The following GRIK2 variants were observed in gnomAD, a reference collection of about 807,000 sequenced individuals.
GRIK2 encodes glutamate receptor ionotropic, kainate 2.
GRIK2 carries 32 observed loss-of-function variants against 100.3 expected under a neutral mutation model. The observed-to-expected ratio is 0.32, with a 90% CI of 0.24 to 0.43. GRIK2 has a LOEUF of 0.43. Among genes scored for constraint, GRIK2 ranks in the 20% least tolerant of loss-of-function variants. GRIK2 has a pLI of 1.00. For missense variants in GRIK2, 843 were observed against 1,114.9 expected, an observed-to-expected ratio of 0.76 and a Z score of 3.47; for synonymous variants, 417 against 389.4, an observed-to-expected ratio of 1.07 and a Z score of -0.83.
chr6:101,510,989 G>A (rs909009190), intron 2 of GRIK2, among the ~76,000 whole-genome samples: 1 of 152,156 alleles, frequency 6.6e-6, no homozygotes, highest in African/African-American at 2.4e-5. Flanking sequence ...AAAGCATGGG[G>A]AGACTTTATC....
intron 14 of GRIK2, among the ~76,000 whole-genome samples, chr6:102,021,035 G>T (rs1417613620): frequency 6.6e-6 from 1 of 151,730 alleles, no homozygotes; most frequent in South Asian, 2.1e-4. Flanking sequence ...CCTAGACATG[G>T]TCACAACACT....
intron 7 of GRIK2, among the ~76,000 whole-genome samples, chr6:101,749,550 G>A (rs1045892112): frequency 6.6e-6 from 1 of 152,200 alleles, no homozygotes; most frequent in South Asian, 2.1e-4. Context: ...CCTGACATGT[G>A]CGTTTCCTTC....
intron 2 of GRIK2, among the ~76,000 whole-genome samples, chr6:101,428,179 C>T (rs924295463): frequency 1.3e-5 from 2 of 152,142 alleles, no homozygotes; most frequent in Non-Finnish European, 2.9e-5. Context: ...GAATATGAAA[C>T]ACGTTAAAAA....
chr6:101,793,213 A>G (rs1308114243), intron 7 of GRIK2, among the ~76,000 whole-genome samples: 4 of 152,130 alleles, frequency 2.6e-5, no homozygotes, highest in Non-Finnish European at 5.9e-5. Context: ...CAACTTGTCA[A>G]CGTCATTCTC....
intron 14 of GRIK2, among the ~76,000 whole-genome samples, chr6:101,976,448 G>GC (rs1793386144): frequency 6.6e-6 from 1 of 151,968 alleles, no homozygotes; most frequent in Non-Finnish European, 1.5e-5. Context: ...TGTAAACCCA[G>GC]CACTTTGTGG....
intron 2 of GRIK2, among the ~76,000 whole-genome samples, chr6:101,506,480 G>A (rs746281605): frequency 2.6e-5 from 4 of 152,056 alleles, no homozygotes; most frequent in Non-Finnish European, 5.9e-5. Context: ...CTAAATATAT[G>A]ATTTCAGGAC....
intron 4 of GRIK2, among the ~76,000 whole-genome samples, chr6:101,651,806 A>G (rs1482398358): frequency 1.3e-5 from 2 of 152,182 alleles, no homozygotes; most frequent in African/African-American, 2.4e-5. Flanking sequence ...AGGTGTCTGA[A>G]GATCCAGTAG....
chr6:101,528,753 A>C (rs1367130808), intron 2 of GRIK2, among the ~76,000 whole-genome samples: 1 of 152,188 alleles, frequency 6.6e-6, no homozygotes, highest in Non-Finnish European at 1.5e-5. Context: ...TCTAAAGAAG[A>C]AAATACCAAA....
At chr6:101,644,731 G>A (rs1372760450) in intron 4 of GRIK2, among the ~76,000 whole-genome samples, 1 of 151,716 alleles carries the variant, frequency 6.6e-6, no homozygotes, top group Non-Finnish European at 1.5e-5. Flanking sequence ...AACATTAAAA[G>A]GTTATTAAGT....
At position 101,549,074 on chromosome 6, in the gene GRIK2, T is replaced by G. The variant is rs551581715; in HGVS notation, c.116-72875T>G. ...CCATCTCTCAGGATATGAACAAAAC[T>G]TGAGGATTAATTTAGGGGATATTAA... On this transcript the variant is annotated intron_variant, in intron 2 of 16. Transcript: ENST00000369134. Among the ~76,000 whole-genome samples the G allele has an allele frequency of 9.2e-5, 14 of 152,280 alleles. 1 individual carries two copies. Among genetic ancestry groups the G allele is most frequent in the Admixed American group, 9.2e-4 (14 of 15,292 alleles).
chr6:101,982,221 G>A (rs1299138220), intron 14 of GRIK2, among the ~76,000 whole-genome samples: 1 of 151,796 alleles, frequency 6.6e-6, no homozygotes, highest in African/African-American at 2.4e-5. Context: ...GATATCTTGA[G>A]TATAGTCTTT....
chr6:101,540,257 T>G (rs1375043638), intron 2 of GRIK2, among the ~76,000 whole-genome samples: 5 of 151,942 alleles, frequency 3.3e-5, no homozygotes, highest in Non-Finnish European at 7.4e-5. Context: ...AGTTTAAGTT[T>G]AGATCTTTGT....
At chr6:101,934,009 T>C (rs1338560127) in intron 14 of GRIK2, among the ~76,000 whole-genome samples, 1 of 149,400 alleles carries the variant, frequency 6.7e-6, no homozygotes, top group Admixed American at 6.6e-5. Flanking sequence ...TCTCCCTTTC[T>C]TTTTTTTTCC....
chr6:101,767,285 T>C (rs1247999898), intron 7 of GRIK2, among the ~76,000 whole-genome samples: 1 of 152,176 alleles, frequency 6.6e-6, no homozygotes, highest in African/African-American at 2.4e-5. Context: ...TTCACCTTTT[T>C]TTCTCCTTAA....
chr6:101,896,404 A>G (rs563314476), intron 12 of GRIK2, among the ~76,000 whole-genome samples: 14 of 151,932 alleles, frequency 9.2e-5, no homozygotes, highest in African/African-American at 3.1e-4. Context: ...GAAAAAATTG[A>G]GTAAGACAAA....
intron 7 of GRIK2, among the ~76,000 whole-genome samples, chr6:101,774,654 T>C (rs1778628117): frequency 6.6e-6 from 1 of 152,198 alleles, no homozygotes; most frequent in Admixed American, 6.5e-5. Flanking sequence ...GAACTTTTAA[T>C]TGAAAACTTG....
intron 11 of GRIK2, among the ~76,000 whole-genome samples, chr6:101,865,906 A>T (rs1002484467): frequency 6.6e-5 from 10 of 151,738 alleles, no homozygotes; most frequent in African/African-American, 2.4e-4. Flanking sequence ...AAGAAAAAAA[A>T]AAAAGAAAGA....
At chr6:101,792,466 A>G (rs1269479738) in intron 7 of GRIK2, among the ~76,000 whole-genome samples, 1 of 151,432 alleles carries the variant, frequency 6.6e-6, no homozygotes, top group Non-Finnish European at 1.5e-5. Context: ...TTCACTTATG[A>G]AGCTTAGTTT....
At chr6:101,946,999 T>C (rs1438674927) in intron 14 of GRIK2, among the ~76,000 whole-genome samples, 1 of 152,132 alleles carries the variant, frequency 6.6e-6, no homozygotes, top group East Asian at 1.9e-4. Flanking sequence ...AGCAAAACGT[T>C]GCTACCTTGT....
Sources: allele counts gnomAD v4.1 joint callset (sites outside exome capture counted in the v4.1 genomes callset), GRCh38; gene constraint gnomAD v4.1.1; transcripts MANE v1.5; gene names NCBI Gene and HGNC (gene_info 2026-07-23, HGNC 2026-07-21).